Variants in TMC2 observed in about 807,000 individuals in gnomAD.
The protein encoded by TMC2 is transmembrane channel-like protein 2.
Under a neutral mutation model 105.9 loss-of-function variants are expected in TMC2, and 102 were observed. The ratio of observed to expected loss-of-function variants is 0.96; its 90% CI spans 0.82 to 1.14. TMC2 has a LOEUF of 1.14. TMC2 is among the 50% of genes most tolerant of loss of function. The pLI is 0.00. For synonymous variants in TMC2, 402 were observed against 422.8 expected (o/e 0.95, Z 0.60); for missense variants, 1,093 against 1,134.3 (o/e 0.96, Z 0.52).
intron 2 of TMC2, among the ~76,000 whole-genome samples, chr20:2,550,115 G>A (rs1011247402): frequency 6.6e-6 from 1 of 151,002 alleles, no homozygotes; most frequent in East Asian, 2.0e-4. Context: ...CCCTGGAAGC[G>A]GAGGATGCAG....
chr20:2,626,193 A>G (rs548507331), intron 17 of TMC2, among the ~76,000 whole-genome samples: 1 of 152,356 alleles, frequency 6.6e-6, no homozygotes, highest in South Asian at 2.1e-4. Context: ...CTATTATTAC[A>G]TAAGAAACAA....
At chr20:2,617,478 G>A (rs2086493318) in intron 16 of TMC2, 167 bp downstream of exon 16, 1 of 914,790 alleles carries the variant, frequency 1.1e-6, no homozygotes, top group East Asian at 2.6e-5. Flanking sequence ...GGATGGAAAT[G>A]TTAGGTCGTT....
Position 2,616,285 on chromosome 20 carries a change from T to C in TMC2, c.1940+81T>C. On this transcript the variant is annotated intron_variant, in intron 15 of 19. Transcript: ENST00000358864. This position sits in a 1 kb window ranked among gnomAD's most constrained non-coding sequence, Gnocchi z 4.8. ...ATCCCAGACTTTGCAACTTAACTAG[T>C]TGGAAGAGGCTAGATAAGTCCTCTT... is the stretch of plus-strand genomic sequence containing the variant. 1 of 1,180,444 alleles carries C rather than the reference T, an allele frequency of 8.5e-7. No homozygotes were observed. Among genetic ancestry groups the C allele is most frequent in the South Asian group, 1.2e-5 (1 of 82,064 alleles). The allele number at this position is 1,180,444 out of a possible 1,614,324, so 73.1% of individuals were successfully genotyped here. A position where few individuals can be genotyped will look rare whatever the true frequency, so the allele number is the denominator to read the frequency against.
At chr20:2,594,615 G>A (rs780912066) in intron 8 of TMC2, among the ~76,000 whole-genome samples, 3 of 152,176 alleles carry the variant, frequency 2.0e-5, no homozygotes, top group Non-Finnish European at 4.4e-5. Flanking sequence ...GGAAATAGAG[G>A]GAATGAAGGA....
intron 10 of TMC2, among the ~76,000 whole-genome samples, 170 bp downstream of exon 10, chr20:2,597,468 G>A (rs888524098): frequency 6.6e-6 from 1 of 152,028 alleles, no homozygotes; most frequent in Non-Finnish European, 1.5e-5. Flanking sequence ...AATGTTCGTG[G>A]CTGGTGCCCA....
chr20:2,636,826 T>G (rs991402041), intron 18 of TMC2, among the ~76,000 whole-genome samples: 1 of 152,086 alleles, frequency 6.6e-6, no homozygotes, highest in East Asian at 2.0e-4. Context: ...TGAGCCAGGA[T>G]GGTCACCATA....
chr20:2,630,239 C>T (rs1362596115), intron 17 of TMC2, among the ~76,000 whole-genome samples: 2 of 152,096 alleles, frequency 1.3e-5, no homozygotes, highest in Non-Finnish European at 2.9e-5. Flanking sequence ...TTGTTCAAGT[C>T]TACTATTTTC....
intron 1 of TMC2, 50 bp from the exon 2 acceptor site, chr20:2,537,218 AG>A: frequency 1.3e-6 from 2 of 1,544,384 alleles, no homozygotes; most frequent in Non-Finnish European, 8.8e-7. Flanking sequence ...GTCTGCAGGG[AG>A]GGGGACTCAC....
intron 5 of TMC2, 79 bp downstream of exon 5, chr20:2,572,348 C>A: frequency 1.8e-6 from 2 of 1,092,834 alleles, no homozygotes; most frequent in Non-Finnish European, 2.8e-6. Flanking sequence ...CGGCAACTGC[C>A]CAGCTTCGCC....
intron 19 of TMC2, among the ~76,000 whole-genome samples, chr20:2,639,512 T>C (rs1451299702): frequency 2.0e-5 from 3 of 152,270 alleles, no homozygotes; most frequent in South Asian, 2.1e-4. Flanking sequence ...CTGAACCATA[T>C]AGCCTATGTG....
intron 13 of TMC2, 152 bp downstream of exon 13, chr20:2,612,492 C>A: frequency 4.1e-6 from 3 of 730,446 alleles, no homozygotes; most frequent in Non-Finnish European, 5.9e-6. Context: ...ATAAAATGAC[C>A]AAAGCAGATC....
At position 2,616,819 on chromosome 20, in the gene TMC2, G is replaced by A. The variant is rs979687231; in HGVS notation, c.1941-253G>A. On this transcript the variant is annotated intron_variant, in intron 15 of 19. Transcript: ENST00000358864. This position sits in a 1 kb window ranked among gnomAD's most constrained non-coding sequence, Gnocchi z 4.8. ...ACCGTATAATTTGCTAGATGCCTGG[G>A]GGCGAGTCAGTGGTAAAATCTTGGC... 6.6e-5 allele frequency among the ~76,000 whole-genome samples: 10 copies of A among 152,224 alleles called. No homozygotes were observed. Among genetic ancestry groups the A allele is most frequent in the African/African-American group, 2.4e-4 (10 of 41,454 alleles).
In TMC2 at chr20:2,558,730, G is replaced by C. The variant is rs754932357; in HGVS notation, c.357G>C (p.Glu119Asp). The C allele has an allele frequency of 6.3e-7, 1 of 1,585,834 alleles. No homozygotes were observed. Among genetic ancestry groups the C allele is most frequent in the Non-Finnish European group, 8.6e-7 (1 of 1,166,700 alleles). Residue 119 changes from glutamate to aspartate, a missense_variant, in exon 3 of 20, where the codon GAG becomes GAC. Glu to Asp is a conservative substitution (Grantham distance 45). Coordinates refer to ENST00000358864, the MANE Select transcript of TMC2 (RefSeq NM_080751.3). The surrounding 1 kb of genome is among the most constrained non-coding windows in gnomAD (Gnocchi z 4.6). Reference protein sequence around the residue: ...ERTAAPKREKEIPRREEKSKR... With the variant: ...ERTAAPKREKDIPRREEKSKR... ...CAGCAGCCCCAAAGAGGGAAAAGGA[G>C]ATTCCGAGGAGGGAGGAGAAGTCGA...
intron 7 of TMC2, among the ~76,000 whole-genome samples, chr20:2,591,492 C>T (rs1448946994): frequency 6.6e-6 from 1 of 151,700 alleles, no homozygotes. Context: ...ATCACTTGAG[C>T]CCAAGAGTTT....
chr20:2,585,154 C>T (rs972211539), intron 7 of TMC2, among the ~76,000 whole-genome samples: 3 of 151,956 alleles, frequency 2.0e-5, no homozygotes, highest in African/African-American at 7.3e-5. Context: ...AGTCATTTGT[C>T]CCTTTATTGC....
chr20:2,577,421 C>T (rs2086155155), intron 5 of TMC2, among the ~76,000 whole-genome samples: 1 of 152,162 alleles, frequency 6.6e-6, no homozygotes, highest in African/African-American at 2.4e-5. Flanking sequence ...TGTCTGTTTT[C>T]TGCCAATCAC....
rs114606179 is a variant in TMC2, at chr20:2,548,120, T to C, written c.83-10336T>C. Among the ~76,000 whole-genome samples, 98 of 152,370 alleles carry C rather than the reference T, an allele frequency of 6.4e-4. 1 individual carries two copies. Among genetic ancestry groups the C allele is most frequent in the African/African-American group, 2.3e-3 (95 of 41,586 alleles). ...ACTGGTAGGATGGATAATTGTCAACTGTCACACATCAGCATTTTAGACTAG... is the reference window on the plus strand; with the variant it reads ...ACTGGTAGGATGGATAATTGTCAACCGTCACACATCAGCATTTTAGACTAG... On this transcript the variant is annotated intron_variant, in intron 2 of 19. Transcript: ENST00000358864.
chr20:2,544,068 A>ATTTTTTTTTT (rs3051737), intron 2 of TMC2, among the ~76,000 whole-genome samples: 3 of 132,480 alleles, frequency 2.3e-5, no homozygotes, highest in Non-Finnish European at 3.2e-5. Context: ...TGCCTAGCTG[A>ATTTTTTTTTT]TTTTTTTTTT....
At chr20:2,594,225 C>CTTTTTTTTTT (rs565664102) in intron 8 of TMC2, among the ~76,000 whole-genome samples, 16 of 113,782 alleles carry the variant, frequency 1.4e-4, no homozygotes, top group East Asian at 2.6e-4. Flanking sequence ...CTAAGGATTC[C>CTTTTTTTTTT]TTTTTTTTTT....
Sources: allele counts gnomAD v4.1 joint callset (sites outside exome capture counted in the v4.1 genomes callset), GRCh38; gene constraint gnomAD v4.1.1; non-coding constraint Gnocchi (gnomAD v3.1); transcripts MANE v1.5; gene names NCBI Gene and HGNC (gene_info 2026-07-23, HGNC 2026-07-21).